The following ESR1 variants were observed in gnomAD, a reference collection of about 807,000 sequenced individuals.
The protein encoded by ESR1 is estrogen receptor.
A neutral mutation model predicts 52.7 loss-of-function variants in ESR1; 12 were observed. That is an observed-to-expected ratio of 0.23 (90% CI 0.15 to 0.37). The LOEUF (loss-of-function observed/expected upper bound fraction) is 0.37, where lower values mean the gene tolerates loss of function less well. Ranked by LOEUF, ESR1 falls within the 10% of genes least tolerant of loss-of-function variation. The pLI, the probability that ESR1 is intolerant of heterozygous loss-of-function variation, is 1.00. For missense variants in ESR1, 584 were observed against 779.7 expected (o/e 0.75, Z 2.99); for synonymous variants, 305 against 316.8 (o/e 0.96, Z 0.39).
At position 151,881,377 on chromosome 6, in the gene ESR1, G is replaced by A. The variant is rs561091696; in HGVS notation, c.760+606G>A. 1.6e-4 allele frequency among the ~76,000 whole-genome samples: 24 copies of A among 152,266 alleles called. No individual in the cohort carries two copies. In the South Asian group the frequency reaches 4.8e-3, roughly 30 times the overall value. On this transcript the variant is annotated intron_variant, in intron 3 of 7. Transcript: ENST00000206249. ...CAGAGCATGCATGGTTTGTGACTGT[G>A]GGTTTGTGTTTTTGTGGTCTTTGTG... is the stretch of plus-strand genomic sequence containing the variant.
At chr6:152,019,299 T>C (rs116343915) in intron 5 of ESR1, among the ~76,000 whole-genome samples, 1 of 152,310 alleles carries the variant, frequency 6.6e-6, no homozygotes, top group Non-Finnish European at 1.5e-5. Context: ...ACACACATAT[T>C]GGAATTCCAG....
intron 4 of ESR1, among the ~76,000 whole-genome samples, chr6:151,998,642 C>T (rs1477748939): frequency 3.9e-5 from 6 of 152,034 alleles, no homozygotes; most frequent in African/African-American, 9.7e-5. Context: ...TGTTATTAAT[C>T]GTACATGATC....
chr6:151,991,939 T>A (rs990189515), intron 4 of ESR1, among the ~76,000 whole-genome samples: 10 of 152,044 alleles, frequency 6.6e-5, no homozygotes, highest in Non-Finnish European at 1.3e-4. Flanking sequence ...GACTTGCTCT[T>A]CCCTCTTTTT....
intron 2 of ESR1, among the ~76,000 whole-genome samples, chr6:151,779,714 C>T (rs1210399274): frequency 6.6e-6 from 1 of 151,906 alleles, no homozygotes; most frequent in South Asian, 2.1e-4. Flanking sequence ...ACTATAAAGA[C>T]ACATGCACAC....
chr6:151,931,034 G>A (rs777193577), intron 3 of ESR1, among the ~76,000 whole-genome samples: 1 of 151,924 alleles, frequency 6.6e-6, no homozygotes, highest in Non-Finnish European at 1.5e-5. Context: ...GTAAGGAGTG[G>A]CATGTATTTA....
At chr6:151,696,442 A>G (rs1779347720) in intron 1 of ESR1, among the ~76,000 whole-genome samples, 1 of 151,782 alleles carries the variant, frequency 6.6e-6, no homozygotes, top group Admixed American at 6.6e-5. Flanking sequence ...ACTGCACTCC[A>G]GCCTGGGAGA....
chr6:151,910,884 G>C (rs924597398), intron 3 of ESR1, among the ~76,000 whole-genome samples: 1 of 152,166 alleles, frequency 6.6e-6, no homozygotes, highest in Non-Finnish European at 1.5e-5. Flanking sequence ...TTTCCTGGAC[G>C]ACAGTATTTC....
intron 5 of ESR1, among the ~76,000 whole-genome samples, chr6:152,038,345 A>T (rs575736612): frequency 6.6e-6 from 1 of 152,268 alleles, no homozygotes; most frequent in East Asian, 1.9e-4. Flanking sequence ...CACAAATGTT[A>T]ATCTTCTTTG....
chr6:151,792,193 A>G (rs77009291), intron 2 of ESR1, among the ~76,000 whole-genome samples: 8,886 of 152,288 alleles, frequency 0.058, 620 homozygotes, highest in African/African-American at 0.17. Context: ...AATATGGTAT[A>G]AGAGATAAAA....
intron 7 of ESR1, among the ~76,000 whole-genome samples, chr6:152,097,862 C>T (rs964500500): frequency 2.2e-4 from 34 of 152,034 alleles, no homozygotes; most frequent in African/African-American, 6.8e-4. Context: ...AGTGTGTGCA[C>T]GTGTGTGTTT....
intron 3 of ESR1, among the ~76,000 whole-genome samples, chr6:151,888,630 ACTT>A (rs1396018614): frequency 2.0e-5 from 3 of 151,926 alleles, no homozygotes; most frequent in South Asian, 2.1e-4. Context: ...GGGCAATTTA[ACTT>A]CTTCTTTTTC....
chr6:152,028,589 G>T (rs184905837), intron 5 of ESR1, among the ~76,000 whole-genome samples: 3 of 152,316 alleles, frequency 2.0e-5, no homozygotes, highest in South Asian at 4.2e-4. Flanking sequence ...TGCAAGCGAG[G>T]CTAGGGGACG....
intron 3 of ESR1, among the ~76,000 whole-genome samples, chr6:151,893,176 G>A (rs1794944163): frequency 6.6e-6 from 1 of 152,164 alleles, no homozygotes; most frequent in Non-Finnish European, 1.5e-5. Flanking sequence ...GGGCGACAGA[G>A]CAAGACTCTG....
chr6:151,791,542 A>G (rs1054312535), intron 2 of ESR1, among the ~76,000 whole-genome samples: 1 of 152,210 alleles, frequency 6.6e-6, no homozygotes, highest in Non-Finnish European at 1.5e-5. Context: ...GGACTAATAC[A>G]TGAGCCACAT....
chr6:151,860,852 A>G (rs1788745478), intron 2 of ESR1, among the ~76,000 whole-genome samples: 1 of 152,346 alleles, frequency 6.6e-6, no homozygotes, highest in Middle Eastern at 3.4e-3. Flanking sequence ...AGAGATCAGA[A>G]CATTTAAAAA....
At chr6:151,823,405 C>T (rs948710431) in intron 1 of ESR1, among the ~76,000 whole-genome samples, 1 of 152,132 alleles carries the variant, frequency 6.6e-6, no homozygotes, top group Non-Finnish European at 1.5e-5. Flanking sequence ...GTAATTATTG[C>T]TAATTGTAAA....
rs552587589 is a variant in ESR1, at chr6:152,098,904, T to C, written c.1726T>C (p.Ser576Pro). Residue 576 changes from serine to proline, a missense_variant, in exon 8 of 8, where the codon TCG (serine) becomes CCG (proline). This residue lies in a region of ESR1 where 71 missense variants were observed against 66.1 expected (regional missense o/e 1.07). Transcript: ENST00000206249. This position sits in a 1 kb window ranked among gnomAD's most constrained non-coding sequence, Gnocchi z 5.1. ...SHLATAGSTSSHSLQKYYITG... is the reference protein window; with the variant it reads ...SHLATAGSTSPHSLQKYYITG... ...CTTGGCCACTGCGGGCTCTACTTCA[T>C]CGCATTCCTTGCAAAAGTATTACAT... 47 of 1,614,190 alleles carry C rather than the reference T, an allele frequency of 2.9e-5. No homozygotes were observed. The highest frequency in any genetic ancestry group is 1.8e-4 in the Admixed American group (11 of 60,024).
At chr6:151,967,115 A>G (rs1427467631) in intron 4 of ESR1, among the ~76,000 whole-genome samples, 1 of 152,090 alleles carries the variant, frequency 6.6e-6, no homozygotes, top group Non-Finnish European at 1.5e-5. Flanking sequence ...TTTTTTATGG[A>G]TGCAATAAGC....
chr6:151,686,898 G>A (rs899700177), upstream of ESR1, among the ~76,000 whole-genome samples: 2 of 152,114 alleles, frequency 1.3e-5, no homozygotes, highest in Non-Finnish European at 2.9e-5. Flanking sequence ...CCAACCATGC[G>A]GCTATAGCCA....
Sources: allele counts gnomAD v4.1 joint callset (sites outside exome capture counted in the v4.1 genomes callset), GRCh38; gene constraint gnomAD v4.1.1; regional missense constraint gnomAD v4.1.1; non-coding constraint Gnocchi (gnomAD v3.1); transcripts MANE v1.5; gene names NCBI Gene and HGNC (gene_info 2026-07-23, HGNC 2026-07-21).